NXPH1: variants seen among roughly 807,000 people sequenced by gnomAD.
NXPH1 encodes neurexophilin 1, also known as neurexophilin-1.
In NXPH1, 5 loss-of-function variants were observed where a neutral mutation model predicts 23.7. The observed-to-expected ratio is 0.21, with a 90% CI of 0.11 to 0.44. The LOEUF (loss-of-function observed/expected upper bound fraction) is 0.44, where lower values mean the gene tolerates loss of function less well. Ranked by LOEUF, NXPH1 falls within the 20% of genes least tolerant of loss-of-function variation. The probability of loss-of-function intolerance (pLI) is 0.99; values close to 1 mark genes in which losing one functional copy is unlikely to be tolerated. For synonymous variants in NXPH1, 144 were observed against 122.2 expected (o/e 1.18, Z -1.18); for missense variants, 324 against 321.6 (o/e 1.01, Z -0.06).
intron 2 of NXPH1, among the ~76,000 whole-genome samples, chr7:8,490,279 G>A (rs1457360555): frequency 6.6e-6 from 1 of 152,036 alleles, no homozygotes; most frequent in Non-Finnish European, 1.5e-5. Flanking sequence ...GAGATTAAAA[G>A]AATGCATGAA....
intron 2 of NXPH1, among the ~76,000 whole-genome samples, chr7:8,553,530 A>T (rs1272592383): frequency 6.6e-6 from 1 of 151,564 alleles, no homozygotes; most frequent in Non-Finnish European, 1.5e-5. Flanking sequence ...CTGACTAATG[A>T]GGAAGATACC....
intron 2 of NXPH1, among the ~76,000 whole-genome samples, chr7:8,491,807 C>T (rs1817252256): frequency 6.6e-6 from 1 of 152,078 alleles, no homozygotes; most frequent in African/African-American, 2.4e-5. Flanking sequence ...GAATTGATCA[C>T]ATTCAGCATG....
intron 2 of NXPH1, among the ~76,000 whole-genome samples, chr7:8,636,012 A>G (rs554533109): frequency 6.6e-6 from 1 of 152,320 alleles, no homozygotes; most frequent in East Asian, 1.9e-4. Context: ...CACTTTATCT[A>G]TCCAAGGGTA....
At chr7:8,636,725 C>G (rs1820223383) in intron 2 of NXPH1, among the ~76,000 whole-genome samples, 1 of 152,176 alleles carries the variant, frequency 6.6e-6, no homozygotes, top group Non-Finnish European at 1.5e-5. Flanking sequence ...ACACGTATTC[C>G]ACGTCTGGCT....
intron 2 of NXPH1, among the ~76,000 whole-genome samples, chr7:8,459,945 G>T (rs1358386891): frequency 6.6e-6 from 1 of 152,118 alleles, no homozygotes; most frequent in African/African-American, 2.4e-5. Context: ...GCCAAACTGA[G>T]CTATGCTGTG....
At chr7:8,724,337 G>C (rs555985084) in intron 2 of NXPH1, among the ~76,000 whole-genome samples, 1 of 152,256 alleles carries the variant, frequency 6.6e-6, no homozygotes, top group Admixed American at 6.5e-5. Flanking sequence ...TCTTTGAAAA[G>C]GGTAATTAAA....
At chr7:8,617,784 A>T (rs545672377) in intron 2 of NXPH1, among the ~76,000 whole-genome samples, 1 of 152,256 alleles carries the variant, frequency 6.6e-6, no homozygotes, top group African/African-American at 2.4e-5. Context: ...TTTTAAAACA[A>T]CTTAAAGAGT....
rs1819581945 is a variant in NXPH1 at position 8,610,033 on chromosome 7, C to G, written c.55-140975C>G. Among the ~76,000 whole-genome samples, 3 of 152,062 alleles carry G rather than the reference C, an allele frequency of 2.0e-5. No individual in the cohort carries two copies. In the South Asian group the frequency reaches 6.2e-4, roughly 31 times the overall value. On this transcript the variant is annotated intron_variant, in intron 2 of 2. Transcript: ENST00000405863. ...TTGAACTTTAATTTTGATTTATTTG[C>G]TTGCTAGAGTGATAGCTATGAAGAA...
At chr7:8,461,207 T>C (rs1024993050) in intron 2 of NXPH1, among the ~76,000 whole-genome samples, 1 of 152,192 alleles carries the variant, frequency 6.6e-6, no homozygotes, top group Non-Finnish European at 1.5e-5. Context: ...TGTTCAGTTT[T>C]CAATTCTCCA....
At chr7:8,625,048 GTCCCAA>G (rs1328909773) in intron 2 of NXPH1, among the ~76,000 whole-genome samples, 6 of 152,182 alleles carry the variant, frequency 3.9e-5, no homozygotes, top group Admixed American at 1.3e-4. Flanking sequence ...AGAGAAGACT[GTCCCAA>G]TCCATATTGT....
intron 2 of NXPH1, among the ~76,000 whole-genome samples, chr7:8,465,706 C>T (rs906606796): frequency 1.3e-5 from 2 of 152,172 alleles, no homozygotes; most frequent in African/African-American, 4.8e-5. Context: ...TTATTTAAAC[C>T]ACTTAAAGAC....
chr7:8,487,542 A>G (rs952166932), intron 2 of NXPH1, among the ~76,000 whole-genome samples: 10 of 152,096 alleles, frequency 6.6e-5, no homozygotes, highest in Non-Finnish European at 1.2e-4. Flanking sequence ...GAACAGACTA[A>G]TACTGTAAAT....
rs56019801 is a variant in NXPH1 at position 8,745,719 on chromosome 7, ATT to A, written c.55-5268_55-5267del. ...AGGCATGTGCCACCACGCCCAGCTAATTTTTTTTTTTTTTTTTTTTTTGTATT... is the reference window on the plus strand; with the variant it reads ...AGGCATGTGCCACCACGCCCAGCTAATTTTTTTTTTTTTTTTTTTTGTATT... On this transcript the variant is annotated intron_variant, in intron 2 of 2. Coordinates refer to ENST00000405863, the MANE Select transcript of NXPH1 (RefSeq NM_152745.3). Among the ~76,000 whole-genome samples the A allele has an allele frequency of 1.8e-3, 196 of 111,814 alleles. 1 individual carries two copies. Among genetic ancestry groups the A allele is most frequent in the African/African-American group, 6.0e-3 (174 of 28,864 alleles). 73.4% of individuals were successfully genotyped at this position (111,814 alleles called of 152,430 possible).
chr7:8,481,614 A>T (rs1447824072), intron 2 of NXPH1, among the ~76,000 whole-genome samples: 1 of 152,220 alleles, frequency 6.6e-6, no homozygotes, highest in African/African-American at 2.4e-5. Flanking sequence ...AAAAAACCCT[A>T]AATACCCACC....
chr7:8,655,136 G>A (rs1359034132), intron 2 of NXPH1, among the ~76,000 whole-genome samples: 1 of 152,056 alleles, frequency 6.6e-6, no homozygotes, highest in Non-Finnish European at 1.5e-5. Context: ...TGTAAACCTA[G>A]CACTTTGGGA....
At chr7:8,735,526 G>T (rs566614230) in intron 2 of NXPH1, among the ~76,000 whole-genome samples, 1 of 152,278 alleles carries the variant, frequency 6.6e-6, no homozygotes, top group East Asian at 1.9e-4. Context: ...ATGTGCTGCT[G>T]CATTTGGTTT....
chr7:8,516,843 G>C (rs1260620614), intron 2 of NXPH1, among the ~76,000 whole-genome samples: 5 of 152,116 alleles, frequency 3.3e-5, no homozygotes, highest in African/African-American at 4.8e-5. Context: ...TATAGAGAGA[G>C]CCAATGCCCA....
chr7:8,438,555 T>TA (rs1472830075), intron 2 of NXPH1, among the ~76,000 whole-genome samples: 3 of 152,232 alleles, frequency 2.0e-5, no homozygotes, highest in Admixed American at 6.5e-5. Flanking sequence ...CCTTGACCTT[T>TA]AAGCCCATGG....
intron 2 of NXPH1, among the ~76,000 whole-genome samples, chr7:8,519,067 C>T (rs912089710): frequency 4.6e-5 from 7 of 152,114 alleles, no homozygotes; most frequent in Non-Finnish European, 8.8e-5. Context: ...CTCAACTTTC[C>T]ATTACCCTTT....
Sources: allele counts gnomAD v4.1 joint callset (sites outside exome capture counted in the v4.1 genomes callset), GRCh38; gene constraint gnomAD v4.1.1; transcripts MANE v1.5; gene names NCBI Gene and HGNC (gene_info 2026-07-23, HGNC 2026-07-21).